The following QPRT variants were observed in gnomAD, a reference collection of about 807,000 sequenced individuals.
QPRT encodes quinolinate phosphoribosyltransferase.
Under a neutral mutation model 19.8 loss-of-function variants are expected in QPRT, and 17 were observed. The observed-to-expected ratio is 0.86, with a 90% confidence interval of 0.59 to 1.29. The LOEUF (loss-of-function observed/expected upper bound fraction) is 1.29, where lower values mean the gene tolerates loss of function less well. Among genes scored for constraint, QPRT ranks in the 50% most tolerant of loss-of-function variants. The pLI, the probability that QPRT is intolerant of heterozygous loss-of-function variation, is 0.00. For synonymous variants in QPRT, 178 were observed against 191.0 expected (o/e 0.93, Z 0.56); for missense variants, 336 against 405.1 (o/e 0.83, Z 1.46).
chr16:29,693,746 C>T (rs960153231), intron 1 of QPRT, among the ~76,000 whole-genome samples: 2 of 151,776 alleles, frequency 1.3e-5, no homozygotes, highest in African/African-American at 4.8e-5. Context: ...GCCACCACGC[C>T]CGGCTAATTT....
At chr16:29,681,282 G>A (rs1024887683) in intron 1 of QPRT, among the ~76,000 whole-genome samples, 21 of 152,018 alleles carry the variant, frequency 1.4e-4, no homozygotes, top group African/African-American at 2.9e-4. Context: ...CTGGTCTCAC[G>A]GGGTTGTAAT....
rs1166068312 is a variant in QPRT at position 29,698,542 on chromosome 16, C to G, written c.*1131C>G. The G allele has an allele frequency of 2.0e-5, 3 of 152,754 alleles. No individual in the cohort carries two copies. The highest frequency in any genetic ancestry group is 7.2e-5 in the African/African-American group (3 of 41,418). The allele number at this position is 152,754 out of a possible 1,614,324, so 9.5% of individuals were successfully genotyped here. A position where few individuals can be genotyped will look rare whatever the true frequency, so the allele number is the denominator to read the frequency against. On this transcript the variant is annotated 3_prime_UTR_variant, in exon 4 of 4. Transcript: ENST00000395384. Reference sequence around the variant, plus strand: ...TTAGCTGATGCGTGTAGCCCCCAGTCACGTTCCCCGCTTGCTTGAGATATC... The same window carrying G: ...TTAGCTGATGCGTGTAGCCCCCAGTGACGTTCCCCGCTTGCTTGAGATATC...
chr16:29,679,071 C>G (rs778957792), upstream of QPRT: 2 of 1,554,036 alleles, frequency 1.3e-6, no homozygotes, highest in East Asian at 2.3e-5. Context: ...GCTTGGGGAG[C>G]CTGGGAAGGG....
rs754429942 is a variant in QPRT at position 29,694,976 on chromosome 16, CCCGCTGCAGTGGCATTGCCAGTGCTGCCG to C, written c.339_367del (p.Ile114GlyfsTer50). The C allele has an allele frequency of 3.7e-5, 60 of 1,607,736 alleles. No homozygotes were observed. Among genetic ancestry groups the C allele is most frequent in the Non-Finnish European group, 4.9e-5 (58 of 1,179,332 alleles). On this transcript the variant is annotated frameshift_variant, in exon 2 of 4. Transcript: ENST00000395384. LOFTEE classifies it high-confidence loss of function. ...GAACGGGTGGCCCTCAACACGCTGGCCCGCTGCAGTGGCATTGCCAGTGCTGCCGCCGCTGCAGTGGAGGCCGCCAGGGG... is the reference window on the plus strand; with the variant it reads ...GAACGGGTGGCCCTCAACACGCTGGCCCGCTGCAGTGGAGGCCGCCAGGGG...
At chr16:29,695,294 C>A in intron 2 of QPRT, 95 bp downstream of exon 2, 1 of 1,363,512 alleles carries the variant, frequency 7.3e-7, no homozygotes, top group Non-Finnish European at 9.7e-7. Flanking sequence ...ACCGGGTGAA[C>A]AGCCATGGCC....
At chr16:29,679,090 C>T, upstream of QPRT, 1 of 1,601,322 alleles carries the variant, frequency 6.2e-7, no homozygotes, top group Non-Finnish European at 8.5e-7. Context: ...GGCCGGCTGA[C>T]AGCTTGATGG....
intron 1 of QPRT, among the ~76,000 whole-genome samples, chr16:29,679,496 C>G (rs1407232841): frequency 6.6e-6 from 1 of 151,964 alleles, no homozygotes; most frequent in Non-Finnish European, 1.5e-5. Context: ...GTGGCGTCTC[C>G]TGGGGGCAGT....
rs1242025491 is a variant in QPRT at position 29,697,780 on chromosome 16, G to A, written c.*369G>A. 3 of 181,196 alleles carry A rather than the reference G, an allele frequency of 1.7e-5. No individual in the cohort carries two copies. The highest frequency in any genetic ancestry group is 7.1e-5 in the African/African-American group (3 of 42,296). The allele number at this position is 181,196 out of a possible 1,614,324, so 11.2% of individuals were successfully genotyped here. On this transcript the variant is annotated 3_prime_UTR_variant, in exon 4 of 4. Coordinates refer to ENST00000395384, the MANE Select transcript of QPRT (RefSeq NM_014298.6). This position sits in a 1 kb window ranked among gnomAD's most constrained non-coding sequence, Gnocchi z 4.4. ...GCGGGAAGATCACTTGAGTTCAGGA[G>A]TTTGAGACCAGCCTGGCCAACATGG...
intron 1 of QPRT, among the ~76,000 whole-genome samples, chr16:29,691,890 T>C (rs1197824851): frequency 6.6e-6 from 1 of 151,066 alleles, no homozygotes; most frequent in African/African-American, 2.4e-5. Flanking sequence ...GGTGAGTGAG[T>C]GGAGACTCAG....
rs779577006 is a variant in QPRT at position 29,694,934 on chromosome 16, A to T, written c.284A>T (p.His95Leu). The T allele has an allele frequency of 6.2e-7, 1 of 1,612,988 alleles. No individual in the cohort carries two copies. Among genetic ancestry groups the T allele is most frequent in the Non-Finnish European group, 8.5e-7 (1 of 1,179,792 alleles). The change falls in exon 2 of 4, where the codon CAC (histidine) becomes CTC (leucine). Residue 95 changes from histidine (H) to leucine (L), a missense_variant. His to Leu is a moderately conservative substitution (Grantham distance 99). Coordinates refer to ENST00000395384, the MANE Select transcript of QPRT (RefSeq NM_014298.6). The part of the protein sequence containing the change: ...ARVAEVRGPA[H>L]CLLLGERVAL... ...GTGGCCGAGGTCCGGGGCCCTGCCCACTGCCTGCTGCTGGGGGAACGGGTG... is the reference window on the plus strand; with the variant it reads ...GTGGCCGAGGTCCGGGGCCCTGCCCTCTGCCTGCTGCTGGGGGAACGGGTG...
At chr16:29,692,818 C>T (rs1441228317) in intron 1 of QPRT, among the ~76,000 whole-genome samples, 1 of 151,778 alleles carries the variant, frequency 6.6e-6, no homozygotes, top group Non-Finnish European at 1.5e-5. Context: ...AATCCCAGCA[C>T]TTGGGAGGCG....
At position 29,694,970 on chromosome 16, in the gene QPRT, C is replaced by T. The variant is rs933786087; in HGVS notation, c.320C>T (p.Thr107Met). The change falls in exon 2 of 4, where the codon ACG becomes ATG. Residue 107 changes from threonine (T) to methionine (M), a missense_variant. Physicochemically the swap from Thr to Met is moderately conservative, Grantham distance 81. Coordinates refer to ENST00000395384, the MANE Select transcript of QPRT (RefSeq NM_014298.6). ...LLLGERVALN[T>M]LARCSGIASA... ...CTGGGGGAACGGGTGGCCCTCAACA[C>T]GCTGGCCCGCTGCAGTGGCATTGCC... 9.9e-6 allele frequency: 16 copies of T among 1,608,126 alleles called. No homozygotes were observed. The highest frequency in any genetic ancestry group is 5.0e-5 in the Admixed American group (3 of 59,932).
intron 1 of QPRT, among the ~76,000 whole-genome samples, chr16:29,685,125 C>T (rs1222093907): frequency 1.3e-5 from 2 of 152,198 alleles, no homozygotes; most frequent in Non-Finnish European, 2.9e-5. Context: ...GAGCTACTGT[C>T]AAAGTTCAGG....
At chr16:29,680,245 C>G (rs371085088) in intron 1 of QPRT, among the ~76,000 whole-genome samples, 1 of 152,052 alleles carries the variant, frequency 6.6e-6, no homozygotes, top group South Asian at 2.1e-4. Context: ...TGTTAGCCAC[C>G]GTGCCCGGCC....
rs1165950623 is a variant in QPRT at position 29,695,104 on chromosome 16, C to A, written c.454C>A (p.Leu152Ile). The A allele has an allele frequency of 6.2e-7, 1 of 1,602,112 alleles. No homozygotes were observed. The highest frequency in any genetic ancestry group is 1.1e-5 in the South Asian group (1 of 89,774). Residue 152 changes from leucine (L) to isoleucine (I), a missense_variant, in exon 2 of 4, where the codon CTC (leucine) becomes ATC (isoleucine). Transcript: ENST00000395384. ...PGFRLVEKYG[L>I]LVGGAASHRY... is the part of the protein sequence containing the mutation. The stretch of plus-strand genomic sequence containing the variant: ...CTTCCGGCTGGTGGAGAAGTATGGG[C>A]TCCTGGTGGGCGGGGCCGCCTCGCA...
At chr16:29,690,834 C>T (rs1244020479) in intron 1 of QPRT, among the ~76,000 whole-genome samples, 3 of 152,084 alleles carry the variant, frequency 2.0e-5, no homozygotes, top group African/African-American at 7.2e-5. Flanking sequence ...GGATTACAGG[C>T]ACATGCCACC....
At chr16:29,691,657 A>C (rs1967338574) in intron 1 of QPRT, among the ~76,000 whole-genome samples, 1 of 152,134 alleles carries the variant, frequency 6.6e-6, no homozygotes, top group African/African-American at 2.4e-5. Context: ...ACTGCACTGC[A>C]CCTAGTTTGA....
At chr16:29,679,011 T>A, upstream of QPRT, 1 of 976,300 alleles carries the variant, frequency 1.0e-6, no homozygotes, top group Non-Finnish European at 1.5e-6. Flanking sequence ...CTCCTCTGAC[T>A]TTCAGGGCCT....
rs200392225 is a variant in QPRT, at chr16:29,695,121, C to T, written c.471C>T (p.Ala157=). 5.3e-4 allele frequency: 839 copies of T among 1,592,354 alleles called. 5 individuals are homozygous for T. The African/African-American group carries it at 8.7e-3, about 16-fold the overall frequency. The part of the protein sequence containing the change: ...VEKYGLLVGG[A]ASHRYDLGGL... ...AGTATGGGCTCCTGGTGGGCGGGGCCGCCTCGCACCGCTACGACCTGGGAG... is the reference window on the plus strand; with the variant it reads ...AGTATGGGCTCCTGGTGGGCGGGGCTGCCTCGCACCGCTACGACCTGGGAG... Residue 157 remains alanine (A), a synonymous_variant, in exon 2 of 4, where the codon GCC becomes GCT. Coordinates refer to ENST00000395384, the MANE Select transcript of QPRT (RefSeq NM_014298.6).
Sources: allele counts gnomAD v4.1 joint callset (sites outside exome capture counted in the v4.1 genomes callset), GRCh38; gene constraint gnomAD v4.1.1; non-coding constraint Gnocchi (gnomAD v3.1); transcripts MANE v1.5; gene names NCBI Gene and HGNC (gene_info 2026-07-23, HGNC 2026-07-21).